The following DNAAF9 variants were observed in gnomAD, a reference collection of about 807,000 sequenced individuals.
DNAAF9 encodes the protein dynein axonemal assembly factor 9, also known as shulin.
In DNAAF9, 90 loss-of-function variants were observed where a neutral mutation model predicts 167.0. The observed-to-expected ratio is 0.54, with a 90% confidence interval of 0.45 to 0.64. The LOEUF (loss-of-function observed/expected upper bound fraction) is 0.64, where lower values mean the gene tolerates loss of function less well. DNAAF9 is among the 30% of genes least tolerant of loss of function. The probability of loss-of-function intolerance (pLI) is 0.00; values close to 1 mark genes in which losing one functional copy is unlikely to be tolerated. For missense variants in DNAAF9, 1,315 were observed against 1,442.2 expected, an observed-to-expected ratio of 0.91 and a Z score of 1.43; for synonymous variants, 491 against 508.8, an observed-to-expected ratio of 0.96 and a Z score of 0.47.
chr20:3,298,884 CAA>C (rs2069130772), intron 21 of DNAAF9, among the ~76,000 whole-genome samples: 1 of 147,302 alleles, frequency 6.8e-6, no homozygotes, highest in South Asian at 2.1e-4. Context: ...GTATTTTCTT[CAA>C]AGAGTTTTAT....
chr20:3,369,564 C>CG (rs2083481865), intron 6 of DNAAF9, among the ~76,000 whole-genome samples: 2 of 151,816 alleles, frequency 1.3e-5, no homozygotes, highest in South Asian at 2.1e-4. Context: ...TTAGTAGAGA[C>CG]GGGGGTCTCG....
chr20:3,305,570 T>G (rs916892155), intron 20 of DNAAF9, among the ~76,000 whole-genome samples: 1 of 152,166 alleles, frequency 6.6e-6, no homozygotes, highest in Non-Finnish European at 1.5e-5. Context: ...ATGACAAGAA[T>G]AGCAAAGGCC....
intron 31 of DNAAF9, among the ~76,000 whole-genome samples, chr20:3,263,218 C>T (rs1331705032): frequency 1.3e-5 from 2 of 152,132 alleles, no homozygotes; most frequent in African/African-American, 4.8e-5. Flanking sequence ...TTGTGATCTG[C>T]CCGCCTCGGC....
chr20:3,348,922 T>C (rs1218325447), intron 7 of DNAAF9, among the ~76,000 whole-genome samples: 1 of 152,136 alleles, frequency 6.6e-6, no homozygotes, highest in Non-Finnish European at 1.5e-5. Context: ...GGGGTTGGGA[T>C]GGAGACTGAC....
intron 7 of DNAAF9, 84 bp from the exon 8 acceptor site, chr20:3,348,707 T>C: frequency 2.7e-6 from 2 of 739,724 alleles, no homozygotes; most frequent in South Asian, 2.0e-5. Flanking sequence ...CTGTAACTTA[T>C]CTCAAAACAC....
chr20:3,253,594 T>C (rs2068229121), intron 36 of DNAAF9, 132 bp downstream of exon 36: 1 of 664,044 alleles, frequency 1.5e-6, no homozygotes, highest in Admixed American at 2.4e-5. Context: ...TCCTGACCCA[T>C]CAGTGGACAT....
chr20:3,253,844 T>C, intron 35 of DNAAF9, 25 bp from the exon 36 acceptor site: 1 of 1,250,450 alleles, frequency 8.0e-7, no homozygotes, highest in Non-Finnish European at 1.2e-6. Flanking sequence ...AGACCTGTAA[T>C]AATTATCTGA....
In DNAAF9 at chr20:3,407,540, C is replaced by CG; in HGVS notation, c.17dup (p.Arg7AlafsTer52). The CG allele has an allele frequency of 3.2e-6, 4 of 1,257,110 alleles. No individual in the cohort carries two copies. The highest frequency in any genetic ancestry group is 3.2e-5 in the East Asian group (1 of 31,548). The allele number at this position is 1,257,110 out of a possible 1,614,324, so 77.9% of individuals were successfully genotyped here. ...GAGCGCGGGGCAGCCCCTGCCGGCG[C>CG]GGGGGGTACACGTCCATGGCGGCGG... On this transcript the variant is annotated frameshift_variant, in exon 1 of 37. Transcript: ENST00000252032. LOFTEE classifies it high-confidence loss of function.
At chr20:3,260,201 C>T (rs1049108088) in intron 31 of DNAAF9, among the ~76,000 whole-genome samples, 173 bp from the exon 32 acceptor site, 1 of 151,718 alleles carries the variant, frequency 6.6e-6, no homozygotes, top group East Asian at 1.9e-4. Flanking sequence ...TAGCCGGGCG[C>T]GGTGGCGGGC....
chr20:3,310,132 C>A (rs896711985), intron 20 of DNAAF9, among the ~76,000 whole-genome samples: 5 of 151,586 alleles, frequency 3.3e-5, no homozygotes, highest in Non-Finnish European at 7.4e-5. Context: ...GCAGAGGTTG[C>A]AGTGAGCCAA....
chr20:3,269,070 A>G (rs1464152446), intron 30 of DNAAF9, among the ~76,000 whole-genome samples: 1 of 151,182 alleles, frequency 6.6e-6, no homozygotes, highest in Non-Finnish European at 1.5e-5. Flanking sequence ...CACCTGGCTA[A>G]TTTCTGTATT....
intron 27 of DNAAF9, among the ~76,000 whole-genome samples, chr20:3,282,990 G>A (rs2281503): frequency 0.21 from 31,305 of 152,092 alleles, 3,525 homozygotes; most frequent in African/African-American, 0.28. Context: ...TTTGTTTACT[G>A]TCTCCATAAT....
intron 10 of DNAAF9, among the ~76,000 whole-genome samples, chr20:3,335,495 G>A (rs371886759): frequency 3.3e-5 from 5 of 151,328 alleles, no homozygotes; most frequent in Admixed American, 1.3e-4. Context: ...GGTGGGTCAC[G>A]CCTGTAATCC....
intron 7 of DNAAF9, among the ~76,000 whole-genome samples, chr20:3,359,073 T>G (rs2083326648): frequency 6.6e-6 from 1 of 152,190 alleles, no homozygotes; most frequent in South Asian, 2.1e-4. Context: ...ACTGAGACCA[T>G]AAGGCACACA....
Position 3,252,524 on chromosome 20 carries a change from C to G in DNAAF9, c.*48G>C. 1 of 1,018,992 alleles carries G rather than the reference C, an allele frequency of 9.8e-7. No homozygotes were observed. Among genetic ancestry groups the G allele is most frequent in the East Asian group, 2.4e-5 (1 of 42,226 alleles). The allele number at this position is 1,018,992 out of a possible 1,614,324, so 63.1% of individuals were successfully genotyped here. A position where few individuals can be genotyped will look rare whatever the true frequency, so the allele number is the denominator to read the frequency against. The stretch of plus-strand genomic sequence containing the variant: ...AGCTGAGGTTAAGACACCCGTTCGT[C>G]CATCTCCAAGGTGGACATTCTGCAG... On this transcript the variant is annotated 3_prime_UTR_variant, in exon 37 of 37. Transcript: ENST00000252032.
intron 9 of DNAAF9, among the ~76,000 whole-genome samples, chr20:3,343,349 G>A (rs929708761): frequency 3.3e-5 from 5 of 152,042 alleles, no homozygotes; most frequent in African/African-American, 1.2e-4. Flanking sequence ...TTTTAGTAGA[G>A]ATGGTCAGCC....
intron 7 of DNAAF9, among the ~76,000 whole-genome samples, chr20:3,357,511 T>C (rs2083303396): frequency 6.6e-6 from 1 of 152,226 alleles, no homozygotes; most frequent in Admixed American, 6.5e-5. Context: ...CGAGTGCTAG[T>C]GTTTACCTTG....
At chr20:3,314,373 G>C (rs1281970002) in intron 20 of DNAAF9, among the ~76,000 whole-genome samples, 7 of 152,182 alleles carry the variant, frequency 4.6e-5, no homozygotes, top group Non-Finnish European at 7.4e-5. Flanking sequence ...GAGACTCAAA[G>C]TGTGTGAGAG....
At chr20:3,358,722 C>A (rs1005851371) in intron 7 of DNAAF9, among the ~76,000 whole-genome samples, 1 of 152,156 alleles carries the variant, frequency 6.6e-6, no homozygotes, top group African/African-American at 2.4e-5. Flanking sequence ...CCAATGTCCC[C>A]ACAGAAGCAA....
Sources: gnomAD v4.1 joint callset for allele counts (sites outside exome capture counted in the v4.1 genomes callset) on GRCh38, gnomAD v4.1.1 for gene constraint, MANE v1.5 for transcripts, NCBI Gene and HGNC (gene_info 2026-07-23, HGNC 2026-07-21) for gene names.